Variants in CNGA3 observed in about 807,000 individuals in gnomAD.
CNGA3 encodes cyclic nucleotide gated channel subunit alpha 3.
In CNGA3, 42 loss-of-function variants were observed where a neutral mutation model predicts 46.6. That is an observed-to-expected ratio of 0.90 (90% CI 0.70 to 1.17). The LOEUF is 1.17. Ranked by LOEUF, CNGA3 falls within the 50% of genes most tolerant of loss-of-function variation. The pLI is 0.00. For missense variants in CNGA3, 893 were observed against 890.7 expected, an observed-to-expected ratio of 1.00 and a Z score of -0.03; for synonymous variants, 394 against 369.4, an observed-to-expected ratio of 1.07 and a Z score of -0.76.
chr2:98,392,065 C>T, intron 7 of CNGA3, 95 bp downstream of exon 7: 3 of 1,093,934 alleles, frequency 2.7e-6, no homozygotes, highest in East Asian at 2.4e-5. Context: ...CTACCCTTGA[C>T]CATGAGAGGC....
chr2:98,398,074 G>C lies in CNGA3; in HGVS notation c.*819G>C, dbSNP rs542186547. On this transcript the variant is annotated 3_prime_UTR_variant, in exon 8 of 8. Transcript: ENST00000272602. ...CAAGGAGGAGAGCTATGTACAGGGA[G>C]AGCATTTTAGATTGAAGGTTGGAAT... is the stretch of plus-strand genomic sequence containing the variant. The C allele has an allele frequency of 2.1e-4, 32 of 152,330 alleles. No individual in the cohort carries two copies. The highest frequency in any genetic ancestry group is 7.5e-4 in the African/African-American group (31 of 41,566). 9.4% of individuals were successfully genotyped at this position (152,330 alleles called of 1,614,324 possible).
At chr2:98,347,264 G>T (rs1275467632) in intron 1 of CNGA3, 1 of 152,222 alleles carries the variant, frequency 6.6e-6, no homozygotes. Flanking sequence ...CCGGGATCTC[G>T]GACGCCCGGG....
intron 2 of CNGA3, among the ~76,000 whole-genome samples, chr2:98,372,016 C>T (rs1692298926): frequency 6.6e-6 from 1 of 152,222 alleles, no homozygotes; most frequent in Non-Finnish European, 1.5e-5. Flanking sequence ...ATGACCCAAG[C>T]ATGTCATGGA....
intron 5 of CNGA3, among the ~76,000 whole-genome samples, 163 bp from the exon 6 acceptor site, chr2:98,389,495 C>G (rs1299088878): frequency 6.6e-6 from 1 of 152,220 alleles, no homozygotes; most frequent in African/African-American, 2.4e-5. Flanking sequence ...GGCCTGCCTT[C>G]CCCTACAGGG....
intron 1 of CNGA3, among the ~76,000 whole-genome samples, chr2:98,348,395 T>C (rs1691692808): frequency 6.6e-6 from 1 of 152,212 alleles, no homozygotes; most frequent in African/African-American, 2.4e-5. Flanking sequence ...CTGCCTCTGA[T>C]TAATATTGAG....
chr2:98,347,476 C>T (rs1481945546), intron 1 of CNGA3, among the ~76,000 whole-genome samples: 2 of 152,222 alleles, frequency 1.3e-5, no homozygotes, highest in Non-Finnish European at 2.9e-5. Context: ...CATTTTTCTC[C>T]CTGTGTAATC....
chr2:98,392,113 G>A, intron 7 of CNGA3, 143 bp downstream of exon 7: 1 of 736,696 alleles, frequency 1.4e-6, no homozygotes, highest in Non-Finnish European at 2.4e-6. Flanking sequence ...GAGGGTAGGT[G>A]GTGCGGCCTC....
At chr2:98,358,201 A>C (rs1400873824) in intron 1 of CNGA3, among the ~76,000 whole-genome samples, 1 of 152,240 alleles carries the variant, frequency 6.6e-6, no homozygotes, top group Non-Finnish European at 1.5e-5. Flanking sequence ...GTAATCTCTT[A>C]AGATGTCATG....
intron 1 of CNGA3, among the ~76,000 whole-genome samples, chr2:98,368,758 A>G (rs550686607): frequency 1.3e-5 from 2 of 152,118 alleles, no homozygotes; most frequent in Non-Finnish European, 2.9e-5. Context: ...TTTTAAGGAT[A>G]ATTTGTTGGG....
intron 7 of CNGA3, among the ~76,000 whole-genome samples, chr2:98,393,902 A>G (rs1336195288): frequency 6.6e-6 from 1 of 151,886 alleles, no homozygotes; most frequent in Non-Finnish European, 1.5e-5. Context: ...TAACGCATGT[A>G]TAACAAATAA....
At chr2:98,392,280 C>T (rs975977787) in intron 7 of CNGA3, among the ~76,000 whole-genome samples, 1 of 152,194 alleles carries the variant, frequency 6.6e-6, no homozygotes, top group African/African-American at 2.4e-5. Context: ...GCAGGCCAGG[C>T]CAGGTGCAGT....
chr2:98,375,575 T>C (rs1225948822), intron 2 of CNGA3, among the ~76,000 whole-genome samples: 1 of 152,234 alleles, frequency 6.6e-6, no homozygotes, highest in African/African-American at 2.4e-5. Flanking sequence ...GCAGGGTCTC[T>C]GACAGGGTCT....
In CNGA3 at chr2:98,396,381, C is replaced by T. The variant is rs1692913456; in HGVS notation, c.1211C>T (p.Ser404Leu). 6 of 1,613,748 alleles carry T rather than the reference C, an allele frequency of 3.7e-6. No homozygotes were observed. The highest frequency in any genetic ancestry group is 1.1e-5 in the South Asian group (1 of 91,050). ...GTGGGCAATGTGGGCTCCATGATCT[C>T]GAATATGAATGCCTCACGGGCAGAG... ...TIVGNVGSMISNMNASRAEFQ... is the reference protein window; with the variant it reads ...TIVGNVGSMILNMNASRAEFQ... The change falls in exon 8 of 8, where the codon TCG (serine) becomes TTG (leucine). Residue 404 changes from serine to leucine, a missense_variant. Transcript: ENST00000272602.
intron 2 of CNGA3, among the ~76,000 whole-genome samples, chr2:98,376,718 A>G (rs924238368): frequency 3.9e-5 from 6 of 152,152 alleles, no homozygotes; most frequent in African/African-American, 1.4e-4. Context: ...TTGGGTTGGA[A>G]CAGGTCATGT....
Position 98,372,740 on chromosome 2 carries a change from A to G in CNGA3, c.101+2664A>G, listed in dbSNP as rs145712349. Among the ~76,000 whole-genome samples, 242 of 152,190 alleles carry G rather than the reference A, an allele frequency of 1.6e-3. 1 individual carries two copies. Among genetic ancestry groups the G allele is most frequent in the Middle Eastern group, 3.4e-3 (1 of 294 alleles). ...CTGGCACAGTCCCTGCTATGTGGTT[A>G]AGTGCTCAATTGACTCCCACTCCCG... On this transcript the variant is annotated intron_variant, in intron 2 of 7. Coordinates refer to ENST00000272602, the MANE Select transcript of CNGA3 (RefSeq NM_001298.3).
rs1254676574 is a variant in CNGA3 at position 98,369,920 on chromosome 2, C to T, written c.-37-19C>T. Reference sequence around the variant, plus strand: ...CTTTCCTGTCCTGATGACGTGTCTGCTTTGTGTTCACATTTTAGCAATCAT... The same window carrying T: ...CTTTCCTGTCCTGATGACGTGTCTGTTTTGTGTTCACATTTTAGCAATCAT... On this transcript the variant is annotated intron_variant, in intron 1 of 7. Transcript: ENST00000272602. 1.4e-6 allele frequency: 2 copies of T among 1,474,980 alleles called. No homozygotes were observed. Among genetic ancestry groups the T allele is most frequent in the African/African-American group, 1.4e-5 (1 of 72,076 alleles). The allele number at this position is 1,474,980 out of a possible 1,614,324, so 91.4% of individuals were successfully genotyped here. A position where few individuals can be genotyped will look rare whatever the true frequency, so the allele number is the denominator to read the frequency against.
Position 98,397,448 on chromosome 2 carries a change from G to A in CNGA3, c.*193G>A. On this transcript the variant is annotated 3_prime_UTR_variant, in exon 8 of 8. Coordinates refer to ENST00000272602, the MANE Select transcript of CNGA3 (RefSeq NM_001298.3). ...CTTTTTGTCTCAGTCCCAGTGAAGT[G>A]CCAGGTTTGATTGTGAAGTCCGCAT... 3 of 647,428 alleles carry A rather than the reference G, an allele frequency of 4.6e-6. No individual in the cohort carries two copies. The South Asian group carries it at 5.6e-5, about 12-fold the overall frequency. The allele number at this position is 647,428 out of a possible 1,614,324, so 40.1% of individuals were successfully genotyped here.
chr2:98,352,107 T>C (rs1468678267), intron 1 of CNGA3, among the ~76,000 whole-genome samples: 2 of 152,226 alleles, frequency 1.3e-5, no homozygotes, highest in Non-Finnish European at 2.9e-5. Flanking sequence ...CATGAAATTA[T>C]ATATTATGTG....
At chr2:98,367,168 T>TTTATTTTC (rs1247670386) in intron 1 of CNGA3, among the ~76,000 whole-genome samples, 4,796 of 113,152 alleles carry the variant, frequency 0.042, 422 homozygotes, top group Non-Finnish European at 0.059. Flanking sequence ...ACATCAGCTG[T>TTTATTTTC]TTTTTTTCTT....
Sources: allele counts gnomAD v4.1 joint callset (sites outside exome capture counted in the v4.1 genomes callset), GRCh38; gene constraint gnomAD v4.1.1; transcripts MANE v1.5; gene names NCBI Gene and HGNC (gene_info 2026-07-23, HGNC 2026-07-21).